Variants in CCDC85C observed in about 807,000 individuals in gnomAD.
CCDC85C encodes coiled-coil domain-containing protein 85C.
In CCDC85C, 18 loss-of-function variants were observed where a neutral mutation model predicts 38.3. The ratio of observed to expected loss-of-function variants is 0.47; its 90% CI spans 0.33 to 0.70. The LOEUF (loss-of-function observed/expected upper bound fraction) is 0.70. Ranked by LOEUF, CCDC85C falls within the 30% of genes least tolerant of loss-of-function variation. The pLI is 0.03. For missense variants in CCDC85C, 566 were observed against 621.2 expected (o/e 0.91, Z 0.94); for synonymous variants, 264 against 293.8 (o/e 0.90, Z 1.04).
At chr14:99,566,830 G>A (rs969868415) in intron 1 of CCDC85C, among the ~76,000 whole-genome samples, 1 of 152,206 alleles carries the variant, frequency 6.6e-6, no homozygotes, top group African/African-American at 2.4e-5. Flanking sequence ...CTCTCAGGGT[G>A]ACCAGGGCCT....
Position 99,604,202 on chromosome 14 carries a change from G to A in CCDC85C, c.-243C>T, listed in dbSNP as rs1315451708. Among the ~76,000 whole-genome samples, 1 of 148,588 alleles carries A rather than the reference G, an allele frequency of 6.7e-6. No homozygotes were observed. Among genetic ancestry groups the A allele is most frequent in the East Asian group, 2.0e-4 (1 of 5,098 alleles). ...CGGCCGCGGTGCCGGGCGCTCTCAG[G>A]GTTCTGGAGAAGCAGGCGGAGGCCC... On this transcript the variant is annotated 5_prime_UTR_variant, in exon 1 of 6. Coordinates refer to ENST00000380243, the MANE Select transcript of CCDC85C (RefSeq NM_001144995.2).
intron 2 of CCDC85C, among the ~76,000 whole-genome samples, chr14:99,530,885 C>G (rs1460716946): frequency 6.6e-6 from 1 of 152,238 alleles, no homozygotes; most frequent in Non-Finnish European, 1.5e-5. Context: ...GGAGAGAGGC[C>G]TCAGAAGGAG....
intron 1 of CCDC85C, among the ~76,000 whole-genome samples, chr14:99,600,200 C>A (rs1323750629): frequency 6.6e-6 from 1 of 152,242 alleles, no homozygotes; most frequent in African/African-American, 2.4e-5. Flanking sequence ...GTTGGGAGAG[C>A]CCCAAGGACC....
At chr14:99,575,237 T>C (rs1167552582) in intron 1 of CCDC85C, among the ~76,000 whole-genome samples, 1 of 152,328 alleles carries the variant, frequency 6.6e-6, no homozygotes, top group East Asian at 1.9e-4. Context: ...GGCATTAGGA[T>C]GCTTAGTGTG....
intron 1 of CCDC85C, among the ~76,000 whole-genome samples, chr14:99,597,138 C>T (rs1224604788): frequency 6.6e-6 from 1 of 152,154 alleles, no homozygotes; most frequent in East Asian, 1.9e-4. Flanking sequence ...CTCCCCCAGC[C>T]CAGCCCACAC....
chr14:99,544,624 C>T lies in CCDC85C; in HGVS notation c.794-8536G>A, dbSNP rs1186408058. On this transcript the variant is annotated intron_variant, in intron 1 of 5. Transcript: ENST00000380243. The surrounding 1 kb of genome is among the most constrained non-coding windows in gnomAD (Gnocchi z 5.3). ...ACTCCCCTCTCCCAGAGCAGAAATT[C>T]TCTTCGTGACGCAAGGTGACTTTCA... is the stretch of plus-strand genomic sequence containing the variant. Among the ~76,000 whole-genome samples, 1 of 152,138 alleles carries T rather than the reference C, an allele frequency of 6.6e-6. No individual in the cohort carries two copies. Among genetic ancestry groups the T allele is most frequent in the Non-Finnish European group, 1.5e-5 (1 of 68,036 alleles).
intron 2 of CCDC85C, among the ~76,000 whole-genome samples, chr14:99,530,902 C>T (rs1566763339): frequency 6.6e-6 from 1 of 152,228 alleles, no homozygotes; most frequent in Non-Finnish European, 1.5e-5. Flanking sequence ...GGAGCCAGCC[C>T]TGCTGATGCC....
intron 1 of CCDC85C, among the ~76,000 whole-genome samples, chr14:99,578,711 G>C (rs927645029): frequency 6.6e-6 from 1 of 152,208 alleles, no homozygotes; most frequent in South Asian, 2.1e-4. Context: ...GGCCGTTGGC[G>C]TGATGGTGAG....
At chr14:99,541,637 G>A (rs558405245) in intron 1 of CCDC85C, among the ~76,000 whole-genome samples, 1 of 152,292 alleles carries the variant, frequency 6.6e-6, no homozygotes, top group Admixed American at 6.5e-5. Context: ...GGTTCACTGG[G>A]AGTATTAACG....
intron 1 of CCDC85C, among the ~76,000 whole-genome samples, chr14:99,568,249 TA>T (rs149166863): frequency 9.0e-5 from 12 of 133,370 alleles, no homozygotes; most frequent in Middle Eastern, 3.6e-3. Context: ...ACCTGCCCTT[TA>T]TTTTTTTTTT....
intron 1 of CCDC85C, among the ~76,000 whole-genome samples, chr14:99,590,894 C>A (rs887140854): frequency 6.6e-6 from 1 of 152,230 alleles, no homozygotes; most frequent in Non-Finnish European, 1.5e-5. Flanking sequence ...TGAGCAGGGG[C>A]CAAGCCCAGA....
chr14:99,547,853 T>C (rs570923577), intron 1 of CCDC85C, among the ~76,000 whole-genome samples: 5 of 151,722 alleles, frequency 3.3e-5, no homozygotes, highest in East Asian at 1.9e-4. Context: ...TATATACACA[T>C]ATATATATAC....
chr14:99,562,859 G>GCA (rs1334672055), intron 1 of CCDC85C, among the ~76,000 whole-genome samples: 103 of 150,092 alleles, frequency 6.9e-4, no homozygotes, highest in African/African-American at 2.5e-3. Flanking sequence ...ACCCTCATAT[G>GCA]CACACACACA....
intron 2 of CCDC85C, among the ~76,000 whole-genome samples, chr14:99,524,378 G>A (rs2139903182): frequency 6.6e-6 from 1 of 151,936 alleles, no homozygotes; most frequent in African/African-American, 2.4e-5. Context: ...TCGACCAAAT[G>A]GGCTCCCACG....
Position 99,603,619 on chromosome 14 carries a change from C to G in CCDC85C, c.341G>C (p.Gly114Ala). The change falls in exon 1 of 6, where the codon GGC becomes GCC. Residue 114 changes from glycine to alanine, a missense_variant. By Grantham distance (60) the Gly-to-Ala change is moderately conservative (BLOSUM62 0). Transcript: ENST00000380243. The surrounding 1 kb of genome is among the most constrained non-coding windows in gnomAD (Gnocchi z 7.5). Reference sequence around the variant, plus strand: ...GCGGGCCACCTCGTGCCACACGGCGCCGGCCGCGTGGCGCCCGAAGCGCTG... The same window carrying G: ...GCGGGCCACCTCGTGCCACACGGCGGCGGCCGCGTGGCGCCCGAAGCGCTG... ...EWQRFGRHAA[G>A]AVWHEVARSQ... The G allele has an allele frequency of 6.8e-7, 1 of 1,461,014 alleles. No homozygotes were observed. The allele number at this position is 1,461,014 out of a possible 1,614,324, so 90.5% of individuals were successfully genotyped here.
rs1897202652 is a variant in CCDC85C, at chr14:99,515,241, T to G, written c.*5A>C. On this transcript the variant is annotated 3_prime_UTR_variant, in exon 6 of 6. Coordinates refer to ENST00000380243, the MANE Select transcript of CCDC85C (RefSeq NM_001144995.2). ...GGGCCAGTCCACGTCCACAGAAGAG[T>G]GGCCCTACAAAGGCCCCTTGAACTG... 6.5e-7 allele frequency: 1 copy of G among 1,548,728 alleles called. No homozygotes were observed. The highest frequency in any genetic ancestry group is 1.4e-5 in the African/African-American group (1 of 72,934).
Position 99,603,334 on chromosome 14 carries a change from G to C in CCDC85C, c.626C>G (p.Ser209Cys). Residue 209 changes from serine to cysteine, a missense_variant, in exon 1 of 6, where the codon TCC becomes TGC. Physicochemically the swap from Ser to Cys is moderately radical, Grantham distance 112 (BLOSUM62 -1). Transcript: ENST00000380243. The surrounding 1 kb of genome is among the most constrained non-coding windows in gnomAD (Gnocchi z 7.5). ...GGGGCTGCCGCCGCTGCCCGCGCTGGACGTACTGCTGCCGTCGCCCACGTC... is the reference window on the plus strand; with the variant it reads ...GGGGCTGCCGCCGCTGCCCGCGCTGCACGTACTGCTGCCGTCGCCCACGTC... ...ARDVGDGSST[S>C]SAGSGGSPDH... The C allele has an allele frequency of 7.5e-7, 1 of 1,329,818 alleles. No individual in the cohort carries two copies. Among genetic ancestry groups the C allele is most frequent in the East Asian group, 3.1e-5 (1 of 32,282 alleles). 82.4% of individuals were successfully genotyped at this position (1,329,818 alleles called of 1,614,324 possible).
chr14:99,518,230 G>C (rs1262445692), intron 3 of CCDC85C, among the ~76,000 whole-genome samples: 1 of 152,136 alleles, frequency 6.6e-6, no homozygotes, highest in Non-Finnish European at 1.5e-5. Context: ...AGGCCTGGCA[G>C]CCAACCCCTG....
At chr14:99,583,907 G>A (rs910949695) in intron 1 of CCDC85C, among the ~76,000 whole-genome samples, 2 of 151,962 alleles carry the variant, frequency 1.3e-5, no homozygotes, top group Non-Finnish European at 2.9e-5. Flanking sequence ...TGTAACAGGC[G>A]GGTACAATCT....
Sources: gnomAD v4.1 joint callset for allele counts (sites outside exome capture counted in the v4.1 genomes callset) on GRCh38, gnomAD v4.1.1 for gene constraint, Gnocchi (gnomAD v3.1) non-coding constraint, MANE v1.5 for transcripts, NCBI Gene and HGNC (gene_info 2026-07-23, HGNC 2026-07-21) for gene names.